DAB1: variants seen among roughly 807,000 people sequenced by gnomAD.
DAB1 encodes disabled homolog 1.
DAB1 carries 15 observed loss-of-function variants against 64.6 expected under a neutral mutation model. The ratio of observed to expected loss-of-function variants is 0.23; its 90% CI spans 0.16 to 0.36. The LOEUF (loss-of-function observed/expected upper bound fraction) is 0.36, where lower values mean the gene tolerates loss of function less well. DAB1 is among the 10% of genes least tolerant of loss of function. The pLI is 1.00. For synonymous variants in DAB1, 235 were observed against 251.9 expected, an observed-to-expected ratio of 0.93 and a Z score of 0.64; for missense variants, 596 against 706.7, an observed-to-expected ratio of 0.84 and a Z score of 1.78.
At chr1:57,280,382 T>G (rs1312861375) in intron 2 of DAB1, among the ~76,000 whole-genome samples, 1 of 152,184 alleles carries the variant, frequency 6.6e-6, no homozygotes, top group Admixed American at 6.5e-5. Flanking sequence ...AGGAGATTGC[T>G]GAAATCTCAG....
At chr1:57,478,292 G>A (rs1258218433) in intron 7 of DAB1, among the ~76,000 whole-genome samples, 1 of 152,108 alleles carries the variant, frequency 6.6e-6, no homozygotes, top group African/African-American at 2.4e-5. Context: ...CACCTGATCT[G>A]AACTCTAACC....
chr1:57,643,885 G>A (rs974165390), intron 7 of DAB1, among the ~76,000 whole-genome samples: 6 of 152,144 alleles, frequency 3.9e-5, no homozygotes, highest in African/African-American at 9.7e-5. Flanking sequence ...CTCAGAGAAC[G>A]TCTGAAAATA....
At chr1:57,272,130 C>T (rs72903294) in intron 2 of DAB1, among the ~76,000 whole-genome samples, 3,543 of 152,250 alleles carry the variant, frequency 0.023, 138 homozygotes, top group African/African-American at 0.08. Flanking sequence ...GGGCTCCAAG[C>T]CCTCAGGAGA....
At chr1:57,023,962 C>G (rs889593889) in intron 10 of DAB1, among the ~76,000 whole-genome samples, 1 of 152,132 alleles carries the variant, frequency 6.6e-6, no homozygotes, top group Non-Finnish European at 1.5e-5. Flanking sequence ...CCCCTACTCC[C>G]TGGGGGGTGT....
At chr1:58,066,929 T>C (rs1648890737) in intron 5 of DAB1, among the ~76,000 whole-genome samples, 3 of 152,222 alleles carry the variant, frequency 2.0e-5, no homozygotes, top group Non-Finnish European at 4.4e-5. Context: ...TAAACTCATC[T>C]GGCACTCAGG....
intron 5 of DAB1, among the ~76,000 whole-genome samples, chr1:58,074,934 C>G (rs1649547555): frequency 6.6e-6 from 1 of 152,106 alleles, no homozygotes; most frequent in Admixed American, 6.5e-5. Flanking sequence ...CAGACTCCAG[C>G]CTTCATGGCT....
At chr1:57,268,208 G>A (rs1020098935) in intron 2 of DAB1, among the ~76,000 whole-genome samples, 3 of 152,158 alleles carry the variant, frequency 2.0e-5, no homozygotes, top group East Asian at 3.9e-4. Context: ...GTGCAGCCAC[G>A]ATCACTGAGA....
chr1:57,945,426 T>C (rs1645169897), intron 5 of DAB1, among the ~76,000 whole-genome samples: 1 of 123,798 alleles, frequency 8.1e-6, no homozygotes, highest in East Asian at 2.0e-4. Context: ...CACTTGCTAA[T>C]TGTTATTATT....
chr1:57,722,236 C>T (rs1647160218), intron 6 of DAB1, among the ~76,000 whole-genome samples: 1 of 152,216 alleles, frequency 6.6e-6, no homozygotes, highest in South Asian at 2.1e-4. Context: ...AGAACAAGTA[C>T]TCAGAGTTGA....
intron 5 of DAB1, among the ~76,000 whole-genome samples, chr1:58,085,610 C>A (rs981945074): frequency 6.6e-5 from 10 of 151,946 alleles, no homozygotes; most frequent in African/African-American, 1.7e-4. Flanking sequence ...TCAAGCAATC[C>A]CCCCATCTCA....
intron 4 of DAB1, among the ~76,000 whole-genome samples, chr1:58,219,218 T>C (rs941424079): frequency 1.8e-4 from 27 of 151,960 alleles, no homozygotes; most frequent in African/African-American, 6.0e-4. Flanking sequence ...CACAGAACTC[T>C]CCCACTGGAA....
chr1:57,186,099 G>T (rs1404691692), intron 2 of DAB1, among the ~76,000 whole-genome samples: 1 of 152,142 alleles, frequency 6.6e-6, no homozygotes. Context: ...GTCCCTGCAG[G>T]TTGGGCCCAG....
intron 5 of DAB1, among the ~76,000 whole-genome samples, chr1:57,975,847 G>A (rs1367649973): frequency 1.3e-5 from 2 of 152,210 alleles, no homozygotes; most frequent in Non-Finnish European, 2.9e-5. Context: ...TAAAAACCAA[G>A]CTGTCCAGTC....
intron 7 of DAB1, among the ~76,000 whole-genome samples, chr1:57,546,328 T>C (rs1000899862): frequency 6.6e-6 from 1 of 152,162 alleles, no homozygotes; most frequent in Non-Finnish European, 1.5e-5. Context: ...AAGGAGAACA[T>C]GTCTTAACAT....
intron 7 of DAB1, among the ~76,000 whole-genome samples, chr1:57,445,579 A>G (rs1450879049): frequency 6.6e-6 from 1 of 152,206 alleles, no homozygotes. Context: ...ATATTGAGCC[A>G]AATCCCAAGA....
rs117889298 is a variant in DAB1, at chr1:57,229,306, C to T, written c.67+61658G>A. Among the ~76,000 whole-genome samples the T allele has an allele frequency of 3.6e-4, 55 of 151,788 alleles. No homozygotes were observed. In the East Asian group the frequency reaches 8.4e-3, roughly 23 times the overall value. On this transcript the variant is annotated intron_variant, in intron 2 of 14. Coordinates refer to ENST00000371236, the MANE Select transcript of DAB1 (RefSeq NM_001365792.1). ...CCTCCCAGGGCTCAAGCTATCCTCCCATCTCAGCCGCCAGAGTAGCTGGGA... is the reference window on the plus strand; with the variant it reads ...CCTCCCAGGGCTCAAGCTATCCTCCTATCTCAGCCGCCAGAGTAGCTGGGA...
intron 3 of DAB1, among the ~76,000 whole-genome samples, chr1:58,489,529 A>G (rs1645639214): frequency 6.6e-6 from 1 of 152,224 alleles, no homozygotes. Context: ...GGGCATAGCC[A>G]AACAAAAGGC....
At chr1:58,458,718 C>A (rs541460141) in intron 3 of DAB1, among the ~76,000 whole-genome samples, 1 of 152,156 alleles carries the variant, frequency 6.6e-6, no homozygotes, top group South Asian at 2.1e-4. Flanking sequence ...TCAGGAGAAT[C>A]GCTTGAACCC....
intron 7 of DAB1, among the ~76,000 whole-genome samples, chr1:57,522,150 G>C (rs67047428): frequency 0.2 from 29,643 of 151,908 alleles, 3,206 homozygotes; most frequent in Non-Finnish European, 0.25. Flanking sequence ...ATCTCAGAAA[G>C]AGCTGGTATT....
Sources: allele counts gnomAD v4.1 joint callset (sites outside exome capture counted in the v4.1 genomes callset), GRCh38; gene constraint gnomAD v4.1.1; transcripts MANE v1.5; gene names NCBI Gene and HGNC (gene_info 2026-07-23, HGNC 2026-07-21).